The following PPP4R4 variants were observed in gnomAD, a reference collection of about 807,000 sequenced individuals.
The protein encoded by PPP4R4 is serine/threonine-protein phosphatase 4 regulatory subunit 4.
A neutral mutation model predicts 121.8 loss-of-function variants in PPP4R4; 70 were observed. The observed-to-expected ratio is 0.57, with a 90% CI of 0.47 to 0.70. PPP4R4 has a LOEUF of 0.70. PPP4R4 is among the 30% of genes least tolerant of loss of function. The pLI, the probability that PPP4R4 is intolerant of heterozygous loss-of-function variation, is 0.00. For synonymous variants in PPP4R4, 348 were observed against 355.7 expected (o/e 0.98, Z 0.24); for missense variants, 875 against 1,033.6 (o/e 0.85, Z 2.10).
intron 20 of PPP4R4, 101 bp downstream of exon 20, chr14:94,265,048 T>C: frequency 9.5e-7 from 1 of 1,057,094 alleles, no homozygotes; most frequent in East Asian, 2.5e-5. Context: ...ATATGGAAAA[T>C]TGCTTTACTT....
Position 94,258,811 on chromosome 14 carries a change from T to G in PPP4R4, c.2039T>G (p.Met680Arg), listed in dbSNP as rs961534896. 1 of 1,586,334 alleles carries G rather than the reference T, an allele frequency of 6.3e-7. No individual in the cohort carries two copies. The highest frequency in any genetic ancestry group is 1.7e-5 in the Admixed American group (1 of 59,960). Residue 680 changes from methionine (M) to arginine (R), a missense_variant, in exon 18 of 25, where the codon ATG becomes AGG. By Grantham distance (91) the Met-to-Arg change is moderately conservative. Transcript: ENST00000304338. Reference sequence around the variant, plus strand: ...GTATTAGAGTTGGACAGAATGGAAATGTCTATGGATGCTGTAAGTATACTC... The same window carrying G: ...GTATTAGAGTTGGACAGAATGGAAAGGTCTATGGATGCTGTAAGTATACTC... Reference protein sequence around the residue: ...RTVLELDRMEMSMDAFQKKFY... With the variant: ...RTVLELDRMERSMDAFQKKFY...
chr14:94,245,945 G>T (rs867216462), intron 13 of PPP4R4, among the ~76,000 whole-genome samples: 1 of 152,038 alleles, frequency 6.6e-6, no homozygotes, highest in African/African-American at 2.4e-5. Context: ...ATTATTCCAA[G>T]AATAGCAAAT....
At chr14:94,258,509 A>G (rs1893597752) in intron 17 of PPP4R4, among the ~76,000 whole-genome samples, 1 of 152,194 alleles carries the variant, frequency 6.6e-6, no homozygotes, top group African/African-American at 2.4e-5. Flanking sequence ...GAAATTAGTT[A>G]GATTATATGC....
At chr14:94,257,090 G>T (rs1458700165) in intron 17 of PPP4R4, among the ~76,000 whole-genome samples, 1 of 152,022 alleles carries the variant, frequency 6.6e-6, no homozygotes, top group African/African-American at 2.4e-5. Context: ...GCAGAATCAG[G>T]AGGACTAGAA....
intron 19 of PPP4R4, among the ~76,000 whole-genome samples, chr14:94,264,264 T>A (rs1893925282): frequency 6.6e-6 from 1 of 152,184 alleles, no homozygotes; most frequent in African/African-American, 2.4e-5. Context: ...TTCTCCTGCC[T>A]TAGCCTCCTG....
At chr14:94,273,819 AAGAAAC>A (rs1894483822) in intron 23 of PPP4R4, among the ~76,000 whole-genome samples, 1 of 152,170 alleles carries the variant, frequency 6.6e-6, no homozygotes, top group Non-Finnish European at 1.5e-5. Context: ...ATCCATATTA[AAGAAAC>A]AAAAACAAAA....
At position 94,218,426 on chromosome 14, in the gene PPP4R4, G is replaced by A. The variant is rs114539906; in HGVS notation, c.294+9860G>A. ...ACCTCCTCACCCCTAGACACCGCAC[G>A]CGCGCGCACACACACACACCCTCAC... On this transcript the variant is annotated intron_variant, in intron 3 of 24. Transcript: ENST00000304338. 3.5e-3 allele frequency among the ~76,000 whole-genome samples: 359 copies of A among 103,270 alleles called. 9 individuals carry two copies. The highest frequency in any genetic ancestry group is 0.013 in the African/African-American group (333 of 25,854). 67.7% of individuals were successfully genotyped at this position (103,270 alleles called of 152,430 possible). A position where few individuals can be genotyped will look rare whatever the true frequency, so the allele number is the denominator to read the frequency against.
intron 3 of PPP4R4, among the ~76,000 whole-genome samples, chr14:94,213,745 T>G (rs1037233848): frequency 6.6e-6 from 1 of 152,154 alleles, no homozygotes; most frequent in African/African-American, 2.4e-5. Context: ...AAAAAGCAGA[T>G]TCTACCCCAG....
intron 7 of PPP4R4, among the ~76,000 whole-genome samples, chr14:94,234,983 A>G (rs1892254228): frequency 1.3e-5 from 2 of 152,184 alleles, no homozygotes; most frequent in Admixed American, 6.5e-5. Flanking sequence ...ATGGGATTGC[A>G]GTTGTCCCTC....
chr14:94,259,744 G>A (rs751256778), intron 19 of PPP4R4, among the ~76,000 whole-genome samples: 2 of 152,126 alleles, frequency 1.3e-5, no homozygotes, highest in Non-Finnish European at 2.9e-5. Flanking sequence ...CAATGATATA[G>A]TTTCTGTCAC....
At chr14:94,175,118 C>A (rs1195994941) in intron 1 of PPP4R4, among the ~76,000 whole-genome samples, 1 of 151,800 alleles carries the variant, frequency 6.6e-6, no homozygotes, top group Non-Finnish European at 1.5e-5. Flanking sequence ...CCCAACTCCT[C>A]CCCCCACCTC....
At chr14:94,200,498 A>G (rs144882829) in intron 2 of PPP4R4, among the ~76,000 whole-genome samples, 4 of 152,266 alleles carry the variant, frequency 2.6e-5, no homozygotes, top group Non-Finnish European at 4.4e-5. Flanking sequence ...TTAAATTACA[A>G]TTTCAATCTT....
At chr14:94,260,958 A>G (rs1893756096) in intron 19 of PPP4R4, among the ~76,000 whole-genome samples, 1 of 151,910 alleles carries the variant, frequency 6.6e-6, no homozygotes, top group South Asian at 2.1e-4. Context: ...TAGGTTTATG[A>G]TCCATTTCAA....
rs1894796895 is a variant in PPP4R4 at position 94,279,080 on chromosome 14, A to G, written c.*437A>G. ...ATAAGCACTTGGAGGGGGACTTGGA[A>G]GGTGAGAAAGATACTGCATTTTCTC... On this transcript the variant is annotated 3_prime_UTR_variant, in exon 25 of 25. Coordinates refer to ENST00000304338, the MANE Select transcript of PPP4R4 (RefSeq NM_058237.2). 6.6e-6 allele frequency: 1 copy of G among 152,338 alleles called. No homozygotes were observed. The highest frequency in any genetic ancestry group is 1.5e-5 in the Non-Finnish European group (1 of 68,098). The allele number at this position is 152,338 out of a possible 1,614,324, so 9.4% of individuals were successfully genotyped here.
At chr14:94,270,043 T>G (rs922172947) in intron 23 of PPP4R4, among the ~76,000 whole-genome samples, 3 of 152,190 alleles carry the variant, frequency 2.0e-5, no homozygotes, top group Non-Finnish European at 4.4e-5. Context: ...GGAAATTGGA[T>G]GAGGGGAATA....
chr14:94,225,844 A>T (rs929868099), intron 3 of PPP4R4, among the ~76,000 whole-genome samples: 3 of 152,162 alleles, frequency 2.0e-5, no homozygotes, highest in African/African-American at 7.2e-5. Context: ...AAGTATTATG[A>T]CTGACTTGGG....
chr14:94,239,862 T>C (rs1314655078), intron 8 of PPP4R4, among the ~76,000 whole-genome samples: 4 of 152,222 alleles, frequency 2.6e-5, no homozygotes, highest in African/African-American at 9.6e-5. Flanking sequence ...ATTATTCATA[T>C]TTCTACTTCT....
intron 2 of PPP4R4, among the ~76,000 whole-genome samples, chr14:94,194,655 G>C (rs1889773482): frequency 6.6e-6 from 1 of 152,056 alleles, no homozygotes; most frequent in South Asian, 2.1e-4. Flanking sequence ...AAGAGATAGA[G>C]TCTGGCTGTG....
chr14:94,204,040 G>T (rs1567113183), intron 2 of PPP4R4, among the ~76,000 whole-genome samples: 1 of 151,970 alleles, frequency 6.6e-6, no homozygotes, highest in Non-Finnish European at 1.5e-5. Context: ...TTTAAATTTT[G>T]ATGAAGTCTA....
Sources: allele counts gnomAD v4.1 joint callset (sites outside exome capture counted in the v4.1 genomes callset), GRCh38; gene constraint gnomAD v4.1.1; transcripts MANE v1.5; gene names NCBI Gene and HGNC (gene_info 2026-07-23, HGNC 2026-07-21).